The following ARID1B variants were observed in gnomAD, a reference collection of about 807,000 sequenced individuals.
ARID1B encodes AT-rich interactive domain-containing protein 1B.
In ARID1B, 30 loss-of-function variants were observed where a neutral mutation model predicts 212.3. That is an observed-to-expected ratio of 0.14 (90% confidence interval 0.11 to 0.19). ARID1B has a LOEUF of 0.19. Ranked by LOEUF, ARID1B falls within the 10% of genes least tolerant of loss-of-function variation. The pLI is 1.00. For missense variants in ARID1B, 2,891 were observed against 3,204.0 expected (o/e 0.90, Z 2.36); for synonymous variants, 1,402 against 1,301.7 (o/e 1.08, Z -1.66).
chr6:157,041,976 C>G (rs756658023), intron 4 of ARID1B, among the ~76,000 whole-genome samples: 1 of 152,198 alleles, frequency 6.6e-6, no homozygotes, highest in African/African-American at 2.4e-5. Context: ...TTGGCACACT[C>G]TCTTCCTGTG....
chr6:156,916,542 C>T lies in ARID1B; in HGVS notation c.2136+15017C>T, dbSNP rs570967353. Among the ~76,000 whole-genome samples, 11 of 152,152 alleles carry T rather than the reference C, an allele frequency of 7.2e-5. No homozygotes were observed. In the South Asian group the frequency reaches 1.0e-3, roughly 14 times the overall value. On this transcript the variant is annotated intron_variant, in intron 3 of 19. Coordinates refer to ENST00000636930, the MANE Select transcript of ARID1B (RefSeq NM_001374828.1). ...GCTTACTTCCTCAGACTTCATTAAC[C>T]GAGATTTAATACTTTTATATAGAAG...
intron 4 of ARID1B, among the ~76,000 whole-genome samples, chr6:157,021,793 G>C (rs1232509978): frequency 6.6e-6 from 1 of 151,962 alleles, no homozygotes. Context: ...GTTTTCTAAA[G>C]TTTCTGCTGA....
rs1442592393 is a variant in ARID1B, at chr6:157,126,309, T to C, written c.2582-6719T>C. On this transcript the variant is annotated intron_variant, in intron 6 of 19. Transcript: ENST00000636930. ...GTTCTTCACTTTACACAAAGGAGCC[T>C]GTGGACCCACACAGCGAATGGGAGA... Among the ~76,000 whole-genome samples the C allele has an allele frequency of 2.6e-5, 4 of 152,170 alleles. No individual in the cohort carries two copies. The East Asian group carries it at 7.7e-4, about 29-fold the overall frequency.
intron 7 of ARID1B, among the ~76,000 whole-genome samples, chr6:157,143,543 T>C (rs1433923208): frequency 6.6e-6 from 1 of 151,992 alleles, no homozygotes; most frequent in Admixed American, 6.6e-5. Context: ...GCAGCTGTCA[T>C]TTGTTAGGCA....
Position 157,014,277 on chromosome 6 carries a change from T to C in ARID1B, c.2248-70385T>C, listed in dbSNP as rs145733524. Among the ~76,000 whole-genome samples the C allele has an allele frequency of 2.6e-5, 4 of 152,330 alleles. No homozygotes were observed. The East Asian group carries it at 7.7e-4, about 29-fold the overall frequency. ...GTTGGTGGTGACTTTCTGGGCAAAT[T>C]ATTTCTTTTGACCAGTCTCCCTTGG... On this transcript the variant is annotated intron_variant, in intron 4 of 19. Coordinates refer to ENST00000636930, the MANE Select transcript of ARID1B (RefSeq NM_001374828.1).
intron 4 of ARID1B, among the ~76,000 whole-genome samples, chr6:156,964,714 G>GA (rs1794625798): frequency 6.6e-6 from 1 of 152,072 alleles, no homozygotes; most frequent in Non-Finnish European, 1.5e-5. Flanking sequence ...TCTCTTAATG[G>GA]AAAAAATTTA....
chr6:156,930,483 C>T (rs967057274), intron 3 of ARID1B, among the ~76,000 whole-genome samples: 2 of 152,286 alleles, frequency 1.3e-5, no homozygotes, highest in East Asian at 1.9e-4. Flanking sequence ...ATTATGCAGT[C>T]TTAGGTATTT....
chr6:157,099,038 G>A (rs12200515), intron 5 of ARID1B, among the ~76,000 whole-genome samples: 26,667 of 152,028 alleles, frequency 0.18, 3,295 homozygotes, highest in African/African-American at 0.35. Flanking sequence ...ATCTCAGATC[G>A]CTGCAGCTTC....
chr6:157,189,624 T>C lies in ARID1B; in HGVS notation c.3920-18T>C, dbSNP rs1413792342. 1.3e-6 allele frequency: 2 copies of C among 1,585,796 alleles called. No homozygotes were observed. Among genetic ancestry groups the C allele is most frequent in the African/African-American group, 1.4e-5 (1 of 73,384 alleles). ...TCTCTGGATTTCTTCCTGTTTCTCTTGGTGCTGCTACTATCAGCTAACTCG... is the reference window on the plus strand; with the variant it reads ...TCTCTGGATTTCTTCCTGTTTCTCTCGGTGCTGCTACTATCAGCTAACTCG... On this transcript the variant is annotated intron_variant, in intron 13 of 19. Transcript: ENST00000636930.
At chr6:156,947,884 A>G (rs1454655114) in intron 4 of ARID1B, among the ~76,000 whole-genome samples, 1 of 152,198 alleles carries the variant, frequency 6.6e-6, no homozygotes, top group East Asian at 1.9e-4. Flanking sequence ...ACATGCATGT[A>G]TTTTTATATA....
chr6:156,921,779 C>T (rs935136802), intron 3 of ARID1B, among the ~76,000 whole-genome samples: 1 of 152,140 alleles, frequency 6.6e-6, no homozygotes, highest in Non-Finnish European at 1.5e-5. Flanking sequence ...ATTTTGAAAG[C>T]ATTATTGATA....
chr6:157,016,943 G>A (rs1011507497), intron 4 of ARID1B, among the ~76,000 whole-genome samples: 6 of 152,168 alleles, frequency 3.9e-5, no homozygotes, highest in African/African-American at 1.4e-4. Context: ...GTTAAGTGAA[G>A]ACTTACTGTA....
chr6:157,138,836 T>C (rs1056620088), intron 7 of ARID1B, among the ~76,000 whole-genome samples: 12 of 152,242 alleles, frequency 7.9e-5, no homozygotes, highest in Admixed American at 2.6e-4. Flanking sequence ...CCTTCTTCTA[T>C]ACTGTTATGT....
intron 8 of ARID1B, among the ~76,000 whole-genome samples, chr6:157,162,491 G>T (rs1791009659): frequency 6.6e-6 from 1 of 152,206 alleles, no homozygotes; most frequent in Admixed American, 6.5e-5. Flanking sequence ...AAGTTGTTGG[G>T]GTATGTATGT....
At chr6:156,982,653 T>C (rs1393518825) in intron 4 of ARID1B, among the ~76,000 whole-genome samples, 1 of 152,112 alleles carries the variant, frequency 6.6e-6, no homozygotes, top group Non-Finnish European at 1.5e-5. Context: ...TAACCTTGAC[T>C]CTATCTGCCA....
chr6:157,045,476 T>C (rs1221210194), intron 4 of ARID1B, among the ~76,000 whole-genome samples: 1 of 152,194 alleles, frequency 6.6e-6, no homozygotes, highest in East Asian at 1.9e-4. Context: ...GACCTTTTTT[T>C]TCTTCTGTGA....
At chr6:157,039,861 TCTCTCTTTCTC>T (rs776462808) in intron 4 of ARID1B, among the ~76,000 whole-genome samples, 1 of 119,408 alleles carries the variant, frequency 8.4e-6, no homozygotes, top group Non-Finnish European at 1.8e-5. Flanking sequence ...TCTCTCTTTC[TCTCTCTTTCTC>T]TTTCTTTTCT....
chr6:156,895,148 A>G (rs1057471819), intron 2 of ARID1B, among the ~76,000 whole-genome samples: 2 of 152,190 alleles, frequency 1.3e-5, no homozygotes, highest in African/African-American at 4.8e-5. Flanking sequence ...TTTTCTTTTT[A>G]TAGTATATTT....
At chr6:156,894,950 T>C (rs1788264564) in intron 2 of ARID1B, among the ~76,000 whole-genome samples, 1 of 152,198 alleles carries the variant, frequency 6.6e-6, no homozygotes, top group Non-Finnish European at 1.5e-5. Flanking sequence ...GAGCTCTTAG[T>C]ACTGGACAGG....
Sources: allele counts gnomAD v4.1 joint callset (sites outside exome capture counted in the v4.1 genomes callset), GRCh38; gene constraint gnomAD v4.1.1; transcripts MANE v1.5; gene names NCBI Gene and HGNC (gene_info 2026-07-23, HGNC 2026-07-21).